Variants in BCAS3 observed in about 807,000 individuals in gnomAD.
BCAS3 encodes the protein BCAS4/BCAS3 fusion.
BCAS3 carries 53 observed loss-of-function variants against 116.1 expected under a neutral mutation model. That is an observed-to-expected ratio of 0.46 (90% CI 0.37 to 0.57). The LOEUF (loss-of-function observed/expected upper bound fraction) is 0.57. Ranked by LOEUF, BCAS3 falls within the 20% of genes least tolerant of loss-of-function variation. BCAS3 has a pLI of 0.00. For synonymous variants in BCAS3, 391 were observed against 408.2 expected, an observed-to-expected ratio of 0.96 and a Z score of 0.51; for missense variants, 917 against 1,165.4, an observed-to-expected ratio of 0.79 and a Z score of 3.10.
In BCAS3 at chr17:61,378,497, A is replaced by G. The variant is rs926981036; in HGVS notation, c.2593+10003A>G. Reference sequence around the variant, plus strand: ...CCAATTCCCTTCGTTTTGCCATTGGAAAAGGGCCGGCCCTGGTGGTCCCTT... The same window carrying G: ...CCAATTCCCTTCGTTTTGCCATTGGGAAAGGGCCGGCCCTGGTGGTCCCTT... On this transcript the variant is annotated intron_variant, in intron 23 of 23. Transcript: ENST00000407086. The surrounding 1 kb of genome is among the most constrained non-coding windows in gnomAD (Gnocchi z 5.8). 6 of 152,142 alleles carry G rather than the reference A, an allele frequency of 3.9e-5. No individual in the cohort carries two copies. Among genetic ancestry groups the G allele is most frequent in the Admixed American group, 3.9e-4 (6 of 15,258 alleles). 9.4% of individuals were successfully genotyped at this position (152,142 alleles called of 1,614,324 possible).
rs561586236 is a variant in BCAS3 at position 61,233,289 on chromosome 17, G to C, written c.2426-135038G>C. Among the ~76,000 whole-genome samples, 2 of 152,280 alleles carry C rather than the reference G, an allele frequency of 1.3e-5. No individual in the cohort carries two copies. Among genetic ancestry groups the C allele is most frequent in the Admixed American group, 6.5e-5 (1 of 15,296 alleles). Reference sequence around the variant, plus strand: ...CTTCACACCTTTGAGCCCCAGGGAAGAGTTTGGACCCCAGGCTTTTACAGG... The same window carrying C: ...CTTCACACCTTTGAGCCCCAGGGAACAGTTTGGACCCCAGGCTTTTACAGG... On this transcript the variant is annotated intron_variant, in intron 22 of 23. Coordinates refer to ENST00000407086, the MANE Select transcript of BCAS3 (RefSeq NM_017679.5). This position sits in a 1 kb window ranked among gnomAD's most constrained non-coding sequence, Gnocchi z 4.3.
At chr17:60,891,907 T>A (rs1012942461) in intron 10 of BCAS3, among the ~76,000 whole-genome samples, 19 of 152,326 alleles carry the variant, frequency 1.2e-4, no homozygotes, top group African/African-American at 4.6e-4. Context: ...TATTTTTGAT[T>A]TTCTGTTTCT....
intron 2 of BCAS3, among the ~76,000 whole-genome samples, chr17:60,682,123 G>A (rs991444449): frequency 2.0e-5 from 3 of 152,146 alleles, no homozygotes; most frequent in Non-Finnish European, 2.9e-5. Context: ...GGCTGTGATT[G>A]TGCACCGTGT....
At chr17:60,726,204 AT>A (rs111326766) in intron 5 of BCAS3, among the ~76,000 whole-genome samples, 361 of 109,306 alleles carry the variant, frequency 3.3e-3, no homozygotes, top group African/African-American at 3.1e-3. Context: ...CAGAGGGAGG[AT>A]TTTTTTTTTT....
At chr17:61,114,047 G>A (rs544670192) in intron 22 of BCAS3, among the ~76,000 whole-genome samples, 3 of 151,790 alleles carry the variant, frequency 2.0e-5, no homozygotes, top group Admixed American at 2.0e-4. Flanking sequence ...AACCCTTCAT[G>A]CTAAAAACTC....
At chr17:60,983,573 T>G (rs1353023688) in intron 14 of BCAS3, among the ~76,000 whole-genome samples, 1 of 152,186 alleles carries the variant, frequency 6.6e-6, no homozygotes, top group African/African-American at 2.4e-5. Context: ...ATTAGCAGTT[T>G]TCTAAAAAAG....
At chr17:60,953,589 T>G (rs992988689) in intron 14 of BCAS3, among the ~76,000 whole-genome samples, 2 of 152,292 alleles carry the variant, frequency 1.3e-5, no homozygotes, top group East Asian at 3.9e-4. Context: ...CATTTGTCAA[T>G]TTTTGCTTTT....
chr17:60,792,035 A>G (rs955314584), intron 6 of BCAS3, among the ~76,000 whole-genome samples: 2 of 152,164 alleles, frequency 1.3e-5, no homozygotes, highest in African/African-American at 2.4e-5. Flanking sequence ...AGGCAGGAGA[A>G]TTGCTTGAAC....
intron 16 of BCAS3, among the ~76,000 whole-genome samples, chr17:61,022,110 T>C (rs781393451): frequency 2.5e-4 from 38 of 152,220 alleles, no homozygotes; most frequent in Non-Finnish European, 5.4e-4. Flanking sequence ...TGACTACATA[T>C]GCAATATATT....
In BCAS3 at chr17:61,379,597, C is replaced by T. The variant is rs1034501357; in HGVS notation, c.2593+11103C>T. The stretch of plus-strand genomic sequence containing the variant: ...AGCCTTGGCCTTTTACTTATTTCTT[C>T]CTGCCCACTCCTCCTCCCACGTCAC... On this transcript the variant is annotated intron_variant, in intron 23 of 23. Coordinates refer to ENST00000407086, the MANE Select transcript of BCAS3 (RefSeq NM_017679.5). The surrounding 1 kb of genome is among the most constrained non-coding windows in gnomAD (Gnocchi z 5.5). The T allele has an allele frequency of 2.0e-5, 3 of 152,216 alleles. No homozygotes were observed. The highest frequency in any genetic ancestry group is 4.4e-5 in the Non-Finnish European group (3 of 68,060). The allele number at this position is 152,216 out of a possible 1,614,324, so 9.4% of individuals were successfully genotyped here.
At chr17:61,176,096 G>A (rs1488641745) in intron 22 of BCAS3, among the ~76,000 whole-genome samples, 12 of 132,746 alleles carry the variant, frequency 9.0e-5, no homozygotes, top group African/African-American at 2.9e-4. Context: ...CCATGATTGT[G>A]CCCCTGCACT....
chr17:60,716,316 G>A (rs1323964503), intron 5 of BCAS3, among the ~76,000 whole-genome samples: 1 of 152,028 alleles, frequency 6.6e-6, no homozygotes, highest in African/African-American at 2.4e-5. Context: ...GTTGTAATAT[G>A]AAAAAAAGCA....
intron 13 of BCAS3, among the ~76,000 whole-genome samples, chr17:60,942,939 T>C (rs2060300548): frequency 1.3e-5 from 2 of 152,288 alleles, no homozygotes; most frequent in African/African-American, 4.8e-5. Flanking sequence ...TAAAGTTAGA[T>C]ATGTGTATTA....
In BCAS3 at chr17:61,000,249, G is replaced by C. The variant is rs181395001; in HGVS notation, c.1486+10014G>C. Among the ~76,000 whole-genome samples the C allele has an allele frequency of 6.1e-4, 93 of 152,200 alleles. 1 individual carries two copies. The highest frequency in any genetic ancestry group is 2.6e-4 in the Non-Finnish European group (18 of 68,012). On this transcript the variant is annotated intron_variant, in intron 15 of 23. Transcript: ENST00000407086. ...AATACTTCCAGCTTCTGCCCATTCA[G>C]TATGATGTTGGCTATGAGTTTGTTG...
intron 22 of BCAS3, among the ~76,000 whole-genome samples, chr17:61,178,318 C>T (rs1252318533): frequency 6.6e-6 from 1 of 152,116 alleles, no homozygotes; most frequent in Admixed American, 6.6e-5. Flanking sequence ...ATCTGATGTA[C>T]AAGCAGAAGG....
intron 5 of BCAS3, among the ~76,000 whole-genome samples, chr17:60,718,749 A>AT (rs1042817211): frequency 6.6e-6 from 1 of 152,072 alleles, no homozygotes; most frequent in Non-Finnish European, 1.5e-5. Context: ...TATTTGTATA[A>AT]TTTTTTTGCC....
intron 6 of BCAS3, among the ~76,000 whole-genome samples, chr17:60,762,873 G>C (rs139773856): frequency 1.3e-5 from 2 of 150,502 alleles, no homozygotes; most frequent in African/African-American, 5.0e-5. Flanking sequence ...CTTTTATTCC[G>C]TTGAGCAGTG....
intron 22 of BCAS3, among the ~76,000 whole-genome samples, chr17:61,321,288 G>A (rs1044048591): frequency 1.3e-5 from 2 of 152,112 alleles, no homozygotes; most frequent in African/African-American, 4.8e-5. Flanking sequence ...CCCAAGTAAG[G>A]ACAGAGCGTT....
intron 5 of BCAS3, among the ~76,000 whole-genome samples, chr17:60,726,112 C>T (rs1224062144): frequency 1.3e-5 from 2 of 149,488 alleles, no homozygotes; most frequent in African/African-American, 4.9e-5. Context: ...TCAGGCTGGT[C>T]TCGAACTCCT....
Sources: allele counts gnomAD v4.1 joint callset (sites outside exome capture counted in the v4.1 genomes callset), GRCh38; gene constraint gnomAD v4.1.1; non-coding constraint Gnocchi (gnomAD v3.1); transcripts MANE v1.5; gene names NCBI Gene and HGNC (gene_info 2026-07-23, HGNC 2026-07-21).